NRG3: variants seen among roughly 807,000 people sequenced by gnomAD.
NRG3 encodes pro-neuregulin-3, membrane-bound isoform.
NRG3 carries 31 observed loss-of-function variants against 66.9 expected under a neutral mutation model. That is an observed-to-expected ratio of 0.46 (90% CI 0.35 to 0.63). The LOEUF is 0.63. Ranked by LOEUF, NRG3 falls within the 20% of genes least tolerant of loss-of-function variation. NRG3 has a pLI of 0.00. For synonymous variants in NRG3, 393 were observed against 359.4 expected (o/e 1.09, Z -1.06); for missense variants, 910 against 878.9 (o/e 1.04, Z -0.45).
chr10:82,408,094 A>AGAAAGAAG lies in NRG3; in HGVS notation c.953+49233_953+49234insGGAAAGAA, dbSNP rs1436395296. Among the ~76,000 whole-genome samples the AGAAAGAAG allele has an allele frequency of 1.2e-3, 121 of 100,246 alleles. 2 individuals are homozygous for AGAAAGAAG. The highest frequency in any genetic ancestry group is 4.3e-3 in the African/African-American group (116 of 26,816). The allele number at this position is 100,246 out of a possible 152,430, so 65.8% of individuals were successfully genotyped here. On this transcript the variant is annotated intron_variant, in intron 2 of 8. Transcript: ENST00000372141. ...GAGAGAGAGAGAGAGACAGAAAGAAAGAAAGAAAGAAAGAAAGAAAGAAAG... is the reference window on the plus strand; with the variant it reads ...GAGAGAGAGAGAGAGACAGAAAGAAAGAAAGAAGGAAAGAAAGAAAGAAAGAAAGAAAG...
At chr10:82,551,019 C>T (rs994920352) in intron 2 of NRG3, among the ~76,000 whole-genome samples, 2 of 151,960 alleles carry the variant, frequency 1.3e-5, no homozygotes, top group Non-Finnish European at 2.9e-5. Context: ...AAACTATTGA[C>T]AATACCAAAG....
At chr10:82,681,472 T>G (rs921534795) in intron 2 of NRG3, among the ~76,000 whole-genome samples, 1 of 152,252 alleles carries the variant, frequency 6.6e-6, no homozygotes, top group African/African-American at 2.4e-5. Context: ...CTCAGTCCAG[T>G]TGGAAATATT....
chr10:82,117,386 A>G (rs1590176967), intron 1 of NRG3, among the ~76,000 whole-genome samples: 1 of 152,254 alleles, frequency 6.6e-6, no homozygotes, highest in South Asian at 2.1e-4. Flanking sequence ...GACAAAGAAG[A>G]TACTCTAAAT....
At chr10:82,959,224 G>C (rs912397499) in intron 6 of NRG3, 149 bp downstream of exon 6, 15 of 761,332 alleles carry the variant, frequency 2.0e-5, no homozygotes, top group Non-Finnish European at 2.9e-5. Flanking sequence ...GGGCTGGGAC[G>C]TATGCACACA....
At chr10:82,358,653 CAT>C in intron 1 of NRG3, 84 bp from the exon 2 acceptor site, 3 of 1,580,156 alleles carry the variant, frequency 1.9e-6, no homozygotes, top group Non-Finnish European at 2.6e-6. Flanking sequence ...AGAAGGCCTC[CAT>C]ACAGAGATCC....
At chr10:82,123,715 C>T (rs954951699) in intron 1 of NRG3, among the ~76,000 whole-genome samples, 2 of 152,124 alleles carry the variant, frequency 1.3e-5, no homozygotes, top group Non-Finnish European at 2.9e-5. Context: ...CTAAATCAAC[C>T]AAATATAGAG....
intron 3 of NRG3, among the ~76,000 whole-genome samples, chr10:82,767,625 A>T (rs1276700812): frequency 6.6e-6 from 1 of 151,764 alleles, no homozygotes; most frequent in Non-Finnish European, 1.5e-5. Flanking sequence ...GGTTTTCTTA[A>T]TCTTATTATC....
chr10:82,951,304 G>A (rs1849492639), intron 4 of NRG3, among the ~76,000 whole-genome samples, 165 bp from the exon 5 acceptor site: 1 of 152,150 alleles, frequency 6.6e-6, no homozygotes, highest in South Asian at 2.1e-4. Context: ...GTAGAACTTT[G>A]CAAAGTAATT....
chr10:82,293,538 A>C (rs1275305947), intron 1 of NRG3, among the ~76,000 whole-genome samples: 1 of 152,150 alleles, frequency 6.6e-6, no homozygotes, highest in African/African-American at 2.4e-5. Context: ...TTCCTATGGG[A>C]ATTGTGAATT....
Position 81,985,848 on chromosome 10 carries a change from G to T in NRG3, c.823+109685G>T, listed in dbSNP as rs566140277. On this transcript the variant is annotated intron_variant, in intron 1 of 8. Transcript: ENST00000372141. Reference sequence around the variant, plus strand: ...TGATAAAGGAAAATAACATAGAATGGAACAGAAGAGCATAATATATACCAT... The same window carrying T: ...TGATAAAGGAAAATAACATAGAATGTAACAGAAGAGCATAATATATACCAT... Among the ~76,000 whole-genome samples, 4 of 152,292 alleles carry T rather than the reference G, an allele frequency of 2.6e-5. No homozygotes were observed. The East Asian group carries it at 7.7e-4, about 29-fold the overall frequency.
At chr10:81,994,484 T>C (rs2060857098) in intron 1 of NRG3, among the ~76,000 whole-genome samples, 1 of 152,128 alleles carries the variant, frequency 6.6e-6, no homozygotes, top group Non-Finnish European at 1.5e-5. Flanking sequence ...CCTGACTTTC[T>C]AGTACTTGAG....
chr10:82,948,403 G>T (rs369281449), intron 4 of NRG3, among the ~76,000 whole-genome samples: 13 of 152,004 alleles, frequency 8.6e-5, no homozygotes, highest in East Asian at 3.8e-4. Flanking sequence ...GGCTACTGTA[G>T]ATCTTTTGTA....
intron 2 of NRG3, among the ~76,000 whole-genome samples, chr10:82,497,668 A>G (rs1042032057): frequency 1.3e-5 from 2 of 152,042 alleles, no homozygotes; most frequent in Admixed American, 1.3e-4. Flanking sequence ...GATCATTTCC[A>G]TATCTTGGTT....
At chr10:82,078,205 T>A (rs1475304030) in intron 1 of NRG3, among the ~76,000 whole-genome samples, 1 of 152,144 alleles carries the variant, frequency 6.6e-6, no homozygotes, top group Non-Finnish European at 1.5e-5. Flanking sequence ...CACTTTTAGG[T>A]CATGGAGGAC....
At chr10:82,027,370 A>G (rs910885716) in intron 1 of NRG3, among the ~76,000 whole-genome samples, 2 of 152,026 alleles carry the variant, frequency 1.3e-5, no homozygotes, top group African/African-American at 2.4e-5. Flanking sequence ...TGTAGGGGGA[A>G]CTGTTTACAT....
chr10:82,744,255 T>C (rs2058550338), intron 3 of NRG3, among the ~76,000 whole-genome samples: 1 of 152,190 alleles, frequency 6.6e-6, no homozygotes, highest in South Asian at 2.1e-4. Flanking sequence ...ATTGTCTTAA[T>C]CCATTTGGGA....
intron 1 of NRG3, among the ~76,000 whole-genome samples, chr10:82,227,783 C>A (rs1241178363): frequency 2.6e-5 from 4 of 152,138 alleles, no homozygotes; most frequent in Non-Finnish European, 5.9e-5. Flanking sequence ...GACTGGTAAG[C>A]CTTTTACCCT....
chr10:82,429,583 A>G (rs2089663604), intron 2 of NRG3, among the ~76,000 whole-genome samples: 1 of 151,936 alleles, frequency 6.6e-6, no homozygotes, highest in African/African-American at 2.4e-5. Context: ...TTTGACTATG[A>G]TGTATTTGTG....
At chr10:82,964,158 A>C (rs1850958842) in intron 6 of NRG3, among the ~76,000 whole-genome samples, 2 of 152,206 alleles carry the variant, frequency 1.3e-5, no homozygotes, top group South Asian at 4.1e-4. Flanking sequence ...AATACCTATT[A>C]AGGAACAGGC....
Sources: gnomAD v4.1 joint callset for allele counts (sites outside exome capture counted in the v4.1 genomes callset) on GRCh38, gnomAD v4.1.1 for gene constraint, MANE v1.5 for transcripts, NCBI Gene and HGNC (gene_info 2026-07-23, HGNC 2026-07-21) for gene names.